PEPD: variants seen among roughly 807,000 people sequenced by gnomAD.
PEPD encodes xaa-Pro dipeptidase.
Under a neutral mutation model 60.7 loss-of-function variants are expected in PEPD, and 53 were observed. The ratio of observed to expected loss-of-function variants is 0.87; its 90% CI spans 0.70 to 1.10. The LOEUF is 1.10. Ranked by LOEUF, PEPD falls within the 50% of genes least tolerant of loss-of-function variation. The probability of loss-of-function intolerance (pLI) is 0.00; values close to 1 mark genes in which losing one functional copy is unlikely to be tolerated. For missense variants in PEPD, 711 were observed against 711.9 expected (o/e 1.00, Z 0.01); for synonymous variants, 267 against 284.1 (o/e 0.94, Z 0.60).
intron 3 of PEPD, among the ~76,000 whole-genome samples, chr19:33,507,579 G>A (rs773946949): frequency 6.6e-6 from 1 of 152,166 alleles, no homozygotes; most frequent in Non-Finnish European, 1.5e-5. Flanking sequence ...GTATCTGCCA[G>A]ATGGATTTTC....
intron 8 of PEPD, among the ~76,000 whole-genome samples, 163 bp from the exon 9 acceptor site, chr19:33,463,204 T>C (rs1286445481): frequency 1.3e-5 from 2 of 152,214 alleles, no homozygotes; most frequent in Non-Finnish European, 2.9e-5. Context: ...TTAGAACTTT[T>C]TAAAAGCTCC....
intron 9 of PEPD, among the ~76,000 whole-genome samples, chr19:33,457,367 A>T (rs945873966): frequency 6.6e-6 from 1 of 152,092 alleles, no homozygotes; most frequent in African/African-American, 2.4e-5. Flanking sequence ...GGAGGCAGAG[A>T]TTGCAGCAAG....
At chr19:33,498,321 G>T (rs115714184) in intron 4 of PEPD, among the ~76,000 whole-genome samples, 1 of 152,082 alleles carries the variant, frequency 6.6e-6, no homozygotes, top group Non-Finnish European at 1.5e-5. Context: ...CTTTGTATAC[G>T]AAGACGAAGA....
chr19:33,500,051 A>G (rs1600165941), intron 4 of PEPD, among the ~76,000 whole-genome samples: 1 of 152,322 alleles, frequency 6.6e-6, no homozygotes, highest in African/African-American at 2.4e-5. Flanking sequence ...GGCTCTTAGC[A>G]TGGCCGACAC....
intron 12 of PEPD, among the ~76,000 whole-genome samples, chr19:33,395,667 GC>G (rs1968343143): frequency 6.6e-6 from 1 of 152,220 alleles, no homozygotes; most frequent in Admixed American, 6.5e-5. Context: ...ATCCATCACA[GC>G]CCCGAGGCCT....
At chr19:33,422,986 T>C (rs1001690178) in intron 9 of PEPD, among the ~76,000 whole-genome samples, 1 of 152,170 alleles carries the variant, frequency 6.6e-6, no homozygotes, top group Non-Finnish European at 1.5e-5. Flanking sequence ...TCTGTTTCTA[T>C]GTCTACCTAC....
intron 12 of PEPD, among the ~76,000 whole-genome samples, chr19:33,397,682 A>G (rs8106165): frequency 0.66 from 99,070 of 150,458 alleles, 33,276 homozygotes; most frequent in African/African-American, 0.76. Flanking sequence ...TCTGGGCAGC[A>G]AAGCCCAGTG....
intron 6 of PEPD, among the ~76,000 whole-genome samples, chr19:33,485,821 C>T (rs996495491): frequency 2.6e-5 from 4 of 152,124 alleles, no homozygotes; most frequent in African/African-American, 7.2e-5. Flanking sequence ...GTATTTCTTA[C>T]ACTGATGTAA....
chr19:33,420,544 A>C (rs1330218288), intron 9 of PEPD, among the ~76,000 whole-genome samples: 2 of 152,048 alleles, frequency 1.3e-5, no homozygotes, highest in Non-Finnish European at 2.9e-5. Context: ...TCTACTAAAA[A>C]CACAAAAATT....
At chr19:33,518,705 C>A (rs1361438129) in intron 1 of PEPD, among the ~76,000 whole-genome samples, 1 of 152,128 alleles carries the variant, frequency 6.6e-6, no homozygotes, top group African/African-American at 2.4e-5. Flanking sequence ...TCACCAAGCA[C>A]CAATCACAGG....
chr19:33,519,491 C>A (rs1418501344), intron 1 of PEPD, among the ~76,000 whole-genome samples: 1 of 152,226 alleles, frequency 6.6e-6, no homozygotes, highest in Admixed American at 6.5e-5. Context: ...CCTCGTTATG[C>A]CTGACTCTAT....
At chr19:33,520,895 T>G (rs1971118705) in intron 1 of PEPD, among the ~76,000 whole-genome samples, 1 of 152,192 alleles carries the variant, frequency 6.6e-6, no homozygotes, top group Non-Finnish European at 1.5e-5. Flanking sequence ...AACAAAACCC[T>G]TCCAGCCCAT....
At chr19:33,401,934 T>C in intron 11 of PEPD, 65 bp from the exon 12 acceptor site, 2 of 1,517,766 alleles carry the variant, frequency 1.3e-6, no homozygotes, top group East Asian at 2.3e-5. Flanking sequence ...CCCTTACCGC[T>C]CCCCACCTGC....
chr19:33,403,185 C>T (rs1329818778), intron 11 of PEPD, among the ~76,000 whole-genome samples: 1 of 152,194 alleles, frequency 6.6e-6, no homozygotes, highest in Middle Eastern at 3.2e-3. Context: ...CTAGGCACCT[C>T]GGGAGGCTGC....
intron 7 of PEPD, among the ~76,000 whole-genome samples, chr19:33,466,807 T>A: frequency 6.6e-6 from 1 of 151,936 alleles, no homozygotes; most frequent in Admixed American, 6.6e-5. Context: ...AACCATTCTT[T>A]AAACAGAGAA....
intron 9 of PEPD, among the ~76,000 whole-genome samples, chr19:33,426,778 A>G (rs1969160007): frequency 6.6e-6 from 1 of 152,178 alleles, no homozygotes; most frequent in South Asian, 2.1e-4. Context: ...GCAGCCCCAG[A>G]TCCCCAGCAC....
In PEPD at chr19:33,462,981, ACATGGT is replaced by A. The variant is rs1969955719; in HGVS notation, c.671+8_671+13del. 1.3e-6 allele frequency: 2 copies of A among 1,559,612 alleles called. No individual in the cohort carries two copies. Among genetic ancestry groups the A allele is most frequent in the Non-Finnish European group, 8.8e-7 (1 of 1,130,392 alleles). On this transcript the variant is annotated splice_region_variant and intron_variant, in intron 9 of 14. Transcript: ENST00000244137. Reference sequence around the variant, plus strand: ...TTACCTTTTAATTTTACCCGGAGAAACATGGTGGCTTACCTTTCCAACTCATATTCT... The same window carrying A: ...TTACCTTTTAATTTTACCCGGAGAAAGGCTTACCTTTCCAACTCATATTCT...
Position 33,388,016 on chromosome 19 carries a change from G to GC in PEPD, c.1217dup (p.Met407HisfsTer18). The GC allele has an allele frequency of 6.4e-7, 1 of 1,570,494 alleles. No homozygotes were observed. The highest frequency in any genetic ancestry group is 8.6e-7 in the Non-Finnish European group (1 of 1,157,998). Reference sequence around the variant, plus strand: ...TGCCCGGCTCCACGGTGAGCACCATGCCTGGCTGCAGGTGCCGTGCAGTGC... The same window carrying GC: ...TGCCCGGCTCCACGGTGAGCACCATGCCCTGGCTGCAGGTGCCGTGCAGTGC... On this transcript the variant is annotated frameshift_variant, in exon 14 of 15. Transcript: ENST00000244137. LOFTEE classifies it high-confidence loss of function.
chr19:33,518,621 A>G (rs1211180909), intron 1 of PEPD, among the ~76,000 whole-genome samples: 1 of 152,136 alleles, frequency 6.6e-6, no homozygotes, highest in Non-Finnish European at 1.5e-5. Context: ...TCCTTCCCTC[A>G]ATCACTGGGA....
Sources: allele counts gnomAD v4.1 joint callset (sites outside exome capture counted in the v4.1 genomes callset), GRCh38; gene constraint gnomAD v4.1.1; transcripts MANE v1.5; gene names NCBI Gene and HGNC (gene_info 2026-07-23, HGNC 2026-07-21).